Variants in RALGAPA2 observed in about 807,000 individuals in gnomAD.
RALGAPA2 encodes Ral GTPase activating protein catalytic subunit alpha 2, also known as ral GTPase-activating protein subunit alpha-2.
In RALGAPA2, 139 loss-of-function variants were observed where a neutral mutation model predicts 230.4. The ratio of observed to expected loss-of-function variants is 0.60; its 90% CI spans 0.53 to 0.69. The LOEUF (loss-of-function observed/expected upper bound fraction) is 0.69. RALGAPA2 is among the 30% of genes least tolerant of loss of function. The probability of loss-of-function intolerance (pLI) is 0.00; values close to 1 mark genes in which losing one functional copy is unlikely to be tolerated. For missense variants in RALGAPA2, 2,163 were observed against 2,276.0 expected (o/e 0.95, Z 1.01); for synonymous variants, 847 against 837.8 (o/e 1.01, Z -0.19).
At chr20:20,596,555 CTT>C (rs1385865145) in intron 16 of RALGAPA2, among the ~76,000 whole-genome samples, 1 of 152,130 alleles carries the variant, frequency 6.6e-6, no homozygotes, top group Non-Finnish European at 1.5e-5. Context: ...GGGTCAGTCT[CTT>C]GATAGGACAG....
intron 1 of RALGAPA2, among the ~76,000 whole-genome samples, chr20:20,695,250 A>C (rs79650702): frequency 1.6e-3 from 243 of 152,366 alleles, no homozygotes; most frequent in Non-Finnish European, 2.6e-3. Context: ...TACATGGTAC[A>C]TAATGCCTTA....
rs1157505043 is a variant in RALGAPA2, at chr20:20,598,962, A to C, written c.2203+2720T>G. 1.3e-4 allele frequency: 43 copies of C among 330,806 alleles called. No individual in the cohort carries two copies. In the Admixed American group the frequency reaches 1.7e-3, roughly 13 times the overall value. 20.5% of individuals were successfully genotyped at this position (330,806 alleles called of 1,614,324 possible). On this transcript the variant is annotated intron_variant, in intron 16 of 39. Transcript: ENST00000202677. ...ACTTTAAAGGAAGTCAGTACAAAGT[A>C]TAGTATTTAATTGTAGTCTCTAAAT...
intron 4 of RALGAPA2, among the ~76,000 whole-genome samples, chr20:20,644,542 C>A (rs1392631954): frequency 6.6e-6 from 1 of 152,162 alleles, no homozygotes; most frequent in Non-Finnish European, 1.5e-5. Flanking sequence ...TCCGAAGGAA[C>A]CTTTTAGAAC....
rs527415463 is a variant in RALGAPA2 at position 20,611,403 on chromosome 20, A to C, written c.1712T>G (p.Leu571Arg). The C allele has an allele frequency of 1.9e-6, 3 of 1,613,176 alleles. No individual in the cohort carries two copies. The highest frequency in any genetic ancestry group is 2.5e-6 in the Non-Finnish European group (3 of 1,179,404). The change falls in exon 14 of 40, where the codon CTC becomes CGC. Residue 571 changes from leucine (L) to arginine (R), a missense_variant. Leu to Arg is a moderately radical substitution (Grantham distance 102, BLOSUM62 -2). Coordinates refer to ENST00000202677, the MANE Select transcript of RALGAPA2 (RefSeq NM_020343.4). Reference sequence around the variant, plus strand: ...CTGCATGACAGCTTCTGTTATCCTGAGTAGTATTTGCAACATCTGTTCCCT... The same window carrying C: ...CTGCATGACAGCTTCTGTTATCCTGCGTAGTATTTGCAACATCTGTTCCCT... The part of the protein sequence containing the change: ...KTWEQMLQIL[L>R]RITEAVMQKP...
intron 20 of RALGAPA2, among the ~76,000 whole-genome samples, chr20:20,582,030 G>A (rs1337868976): frequency 1.3e-5 from 2 of 151,980 alleles, no homozygotes; most frequent in South Asian, 2.1e-4. Context: ...CTCAGACCAC[G>A]AGTCTCTCCT....
chr20:20,440,424 G>A (rs1403273118), intron 37 of RALGAPA2, among the ~76,000 whole-genome samples: 1 of 152,130 alleles, frequency 6.6e-6, no homozygotes, highest in Non-Finnish European at 1.5e-5. Context: ...AAACTTCCCA[G>A]CCTGTATTAA....
intron 35 of RALGAPA2, among the ~76,000 whole-genome samples, chr20:20,497,022 G>A (rs1463408586): frequency 6.6e-6 from 1 of 152,160 alleles, no homozygotes; most frequent in African/African-American, 2.4e-5. Flanking sequence ...TGGCATCTCC[G>A]ACTTTCTAAT....
intron 23 of RALGAPA2, among the ~76,000 whole-genome samples, chr20:20,550,972 A>C (rs541413934): frequency 9.8e-4 from 149 of 152,348 alleles, no homozygotes; most frequent in Non-Finnish European, 1.4e-3. Flanking sequence ...GACATTTCAA[A>C]GGTGGCACAC....
At chr20:20,604,974 C>T (rs778966028) in intron 15 of RALGAPA2, among the ~76,000 whole-genome samples, 1 of 152,224 alleles carries the variant, frequency 6.6e-6, no homozygotes, top group African/African-American at 2.4e-5. Context: ...CATCTTCCTT[C>T]TTGCATAGCT....
chr20:20,576,633 T>G (rs2064827687), intron 20 of RALGAPA2, among the ~76,000 whole-genome samples: 1 of 152,188 alleles, frequency 6.6e-6, no homozygotes, highest in Admixed American at 6.6e-5. Context: ...TTTTTCATAC[T>G]GACCTTGTGT....
rs1306791388 is a variant in RALGAPA2 at position 20,460,170 on chromosome 20, G to A, written c.5495+12659C>T. On this transcript the variant is annotated intron_variant, in intron 37 of 39. Coordinates refer to ENST00000202677, the MANE Select transcript of RALGAPA2 (RefSeq NM_020343.4). ...TCTAGTTGGGGCTGGGAGAACGAGC[G>A]AGGGGCCAGGCCCTCCTCTACACTG... Among the ~76,000 whole-genome samples, 5 of 152,022 alleles carry A rather than the reference G, an allele frequency of 3.3e-5. No homozygotes were observed. In the South Asian group the frequency reaches 8.3e-4, roughly 25 times the overall value.
chr20:20,665,112 C>A (rs568405725), intron 3 of RALGAPA2, among the ~76,000 whole-genome samples: 1 of 152,136 alleles, frequency 6.6e-6, no homozygotes, highest in African/African-American at 2.4e-5. Context: ...ATCAACTTAC[C>A]AAAACTGCAT....
intron 16 of RALGAPA2, among the ~76,000 whole-genome samples, chr20:20,596,559 A>C (rs182659948): frequency 1.3e-5 from 2 of 152,200 alleles, no homozygotes; most frequent in African/African-American, 4.8e-5. Context: ...CAGTCTCTTG[A>C]TAGGACAGTC....
At chr20:20,527,765 A>G (rs1015564634) in intron 27 of RALGAPA2, among the ~76,000 whole-genome samples, 2 of 152,174 alleles carry the variant, frequency 1.3e-5, no homozygotes, top group Non-Finnish European at 2.9e-5. Flanking sequence ...AATGCCTAGC[A>G]TGGCCCCCTT....
intron 37 of RALGAPA2, among the ~76,000 whole-genome samples, chr20:20,413,394 C>T (rs971583218): frequency 1.3e-5 from 2 of 152,184 alleles, no homozygotes; most frequent in Admixed American, 6.5e-5. Context: ...CAGGCTCTTC[C>T]TCTCCCTACT....
chr20:20,571,091 C>G (rs891979349), intron 23 of RALGAPA2, among the ~76,000 whole-genome samples: 5 of 152,196 alleles, frequency 3.3e-5, no homozygotes, highest in African/African-American at 1.2e-4. Context: ...CAACAATTTT[C>G]AAACATTTTT....
intron 31 of RALGAPA2, among the ~76,000 whole-genome samples, chr20:20,517,799 A>AG (rs1168402012): frequency 6.6e-6 from 1 of 151,666 alleles, no homozygotes; most frequent in East Asian, 1.9e-4. Context: ...CATCTTGAAG[A>AG]GGGGGAAAAA....
chr20:20,497,421 C>G (rs2062240356), intron 35 of RALGAPA2, among the ~76,000 whole-genome samples: 1 of 152,160 alleles, frequency 6.6e-6, no homozygotes. Context: ...TCCTAGAGTT[C>G]ACACAGCCCT....
chr20:20,483,019 T>C (rs371000496), intron 36 of RALGAPA2, among the ~76,000 whole-genome samples: 2 of 152,332 alleles, frequency 1.3e-5, no homozygotes, highest in East Asian at 1.9e-4. Context: ...AAGTTTCCCA[T>C]CTTTTACTTA....
Sources: allele counts gnomAD v4.1 joint callset (sites outside exome capture counted in the v4.1 genomes callset), GRCh38; gene constraint gnomAD v4.1.1; transcripts MANE v1.5; gene names NCBI Gene and HGNC (gene_info 2026-07-23, HGNC 2026-07-21).